The following HPCAL1 variants were observed in gnomAD, a reference collection of about 807,000 sequenced individuals.
The protein encoded by HPCAL1 is hippocalcin-like protein 1.
Under a neutral mutation model 17.1 loss-of-function variants are expected in HPCAL1, and 8 were observed. The ratio of observed to expected loss-of-function variants is 0.47; its 90% confidence interval spans 0.27 to 0.84. The LOEUF (loss-of-function observed/expected upper bound fraction) is 0.84. Among genes scored for constraint, HPCAL1 ranks in the 40% least tolerant of loss-of-function variants. The probability of loss-of-function intolerance (pLI) is 0.13; values close to 1 mark genes in which losing one functional copy is unlikely to be tolerated. For missense variants in HPCAL1, 165 were observed against 271.1 expected (o/e 0.61, Z 2.75); for synonymous variants, 112 against 111.4 (o/e 1.01, Z -0.03).
intron 1 of HPCAL1, among the ~76,000 whole-genome samples, chr2:10,376,387 G>A (rs1204016549): frequency 6.6e-6 from 1 of 151,996 alleles, no homozygotes; most frequent in Non-Finnish European, 1.5e-5. Flanking sequence ...CTAAAAGGAT[G>A]AACTTAATTG....
At chr2:10,322,933 A>C (rs767675197) in intron 1 of HPCAL1, among the ~76,000 whole-genome samples, 1 of 152,170 alleles carries the variant, frequency 6.6e-6, no homozygotes, top group Non-Finnish European at 1.5e-5. Flanking sequence ...ATTGTCCCCA[A>C]GTCCCCCAGA....
intron 4 of HPCAL1, chr2:10,425,642 C>T (rs1488413952): frequency 6.6e-6 from 1 of 152,440 alleles, no homozygotes; most frequent in South Asian, 2.1e-4. Context: ...ATCCTGAGAC[C>T]TGGAAACGTT....
intron 2 of HPCAL1, among the ~76,000 whole-genome samples, chr2:10,414,663 G>A (rs1448657014): frequency 1.3e-5 from 2 of 152,212 alleles, no homozygotes; most frequent in African/African-American, 2.4e-5. Context: ...GGGAAGCACA[G>A]TTGAGGCCAT....
intron 1 of HPCAL1, among the ~76,000 whole-genome samples, chr2:10,351,842 G>C (rs1665858031): frequency 6.6e-6 from 1 of 152,136 alleles, no homozygotes; most frequent in South Asian, 2.1e-4. Context: ...AATTGATCAT[G>C]GTGATAAGCG....
At chr2:10,341,187 G>C (rs1665052800) in intron 1 of HPCAL1, among the ~76,000 whole-genome samples, 1 of 151,970 alleles carries the variant, frequency 6.6e-6, no homozygotes, top group African/African-American at 2.4e-5. Context: ...GCAGTGCTGG[G>C]GTGCTGGGGT....
rs138749908 is a variant in HPCAL1, at chr2:10,395,448, G to A, written c.-110-1387G>A. On this transcript the variant is annotated intron_variant, in intron 1 of 4. Coordinates refer to ENST00000307845, the MANE Select transcript of HPCAL1 (RefSeq NM_002149.4). The surrounding 1 kb of genome is among the most constrained non-coding windows in gnomAD (Gnocchi z 4.4). ...ACGGACGATTTCCTGACCTTGTGGC[G>A]CTCACAGTCAGGGGGGTGGGTTGGT... is the stretch of plus-strand genomic sequence containing the variant. 3.1e-3 allele frequency among the ~76,000 whole-genome samples: 464 copies of A among 150,788 alleles called. 3 individuals are homozygous for A. The highest frequency in any genetic ancestry group is 0.011 in the African/African-American group (447 of 41,094).
At chr2:10,369,591 C>T (rs1667082412) in intron 1 of HPCAL1, among the ~76,000 whole-genome samples, 1 of 152,200 alleles carries the variant, frequency 6.6e-6, no homozygotes, top group Admixed American at 6.5e-5. Context: ...GCAAGTTCAA[C>T]AGCAGCAAGG....
chr2:10,420,137 TACCGGCGCCCGAGGCCCCGGGTCTC>T lies in HPCAL1; in HGVS notation c.378+7_378+31del. On this transcript the variant is annotated splice_donor_5th_base_variant and intron_variant, in intron 3 of 4. Transcript: ENST00000307845. ...AGCGAGATGCTGGAGATCGTGCAGG[TACCGGCGCCCGAGGCCCCGGGTCTC>T]ACCGCGGGCCCAGGTCCCCTCCCAG... 1 of 1,601,924 alleles carries T rather than the reference TACCGGCGCCCGAGGCCCCGGGTCTC, an allele frequency of 6.2e-7. No homozygotes were observed. Among genetic ancestry groups the T allele is most frequent in the Non-Finnish European group, 8.5e-7 (1 of 1,172,308 alleles).
At chr2:10,414,890 G>A (rs759714954) in intron 2 of HPCAL1, among the ~76,000 whole-genome samples, 3 of 152,184 alleles carry the variant, frequency 2.0e-5, no homozygotes, top group Admixed American at 6.5e-5. Flanking sequence ...CTGTTACAGC[G>A]GCAGACGGGA....
intron 2 of HPCAL1, among the ~76,000 whole-genome samples, chr2:10,399,241 TCACCACCACCACCAC>T (rs1558517511): frequency 1.7e-4 from 2 of 12,052 alleles, no homozygotes; most frequent in Non-Finnish European, 4.1e-4. Context: ...ACCACCACCA[TCACCACCACCACCAC>T]CACCATCACC....
intron 2 of HPCAL1, among the ~76,000 whole-genome samples, chr2:10,417,475 A>G (rs534944875): frequency 6.6e-6 from 1 of 152,286 alleles, no homozygotes; most frequent in Non-Finnish European, 1.5e-5. Flanking sequence ...CAAACACACA[A>G]GCACGTATGT....
intron 2 of HPCAL1, among the ~76,000 whole-genome samples, chr2:10,405,455 C>A (rs918034442): frequency 3.3e-5 from 5 of 152,380 alleles, no homozygotes; most frequent in South Asian, 4.1e-4. Flanking sequence ...GCAGGGCAGG[C>A]TGAGGCACTC....
At chr2:10,309,309 T>C (rs1047580886) in intron 1 of HPCAL1, among the ~76,000 whole-genome samples, 12 of 152,290 alleles carry the variant, frequency 7.9e-5, no homozygotes, top group African/African-American at 2.9e-4. Context: ...GCTGGAATTA[T>C]AAGTGTGAAC....
intron 2 of HPCAL1, among the ~76,000 whole-genome samples, chr2:10,409,946 G>A (rs970219797): frequency 2.6e-5 from 4 of 151,816 alleles, no homozygotes; most frequent in Non-Finnish European, 5.9e-5. Context: ...GCGTGCCACC[G>A]CACCCAGCTA....
At chr2:10,399,262 TCAC>T (rs1558517643) in intron 2 of HPCAL1, among the ~76,000 whole-genome samples, 22 of 14,288 alleles carry the variant, frequency 1.5e-3, no homozygotes, top group Admixed American at 2.3e-3. Context: ...ACCACCACCA[TCAC>T]CACCACCACC....
intron 2 of HPCAL1, among the ~76,000 whole-genome samples, chr2:10,412,194 C>T (rs1469480170): frequency 2.0e-5 from 3 of 152,188 alleles, no homozygotes; most frequent in Non-Finnish European, 4.4e-5. Context: ...GAAGGTCTTT[C>T]GTCTCACAGC....
intron 1 of HPCAL1, among the ~76,000 whole-genome samples, chr2:10,390,599 C>T (rs573279310): frequency 2.0e-5 from 3 of 152,254 alleles, no homozygotes; most frequent in African/African-American, 7.2e-5. Context: ...CTTGAGCACA[C>T]ATCTGCCTGC....
chr2:10,319,371 C>T (rs1181923932), intron 1 of HPCAL1, among the ~76,000 whole-genome samples: 4 of 152,186 alleles, frequency 2.6e-5, no homozygotes, highest in Non-Finnish European at 4.4e-5. Context: ...CAGCCTCCTC[C>T]GTCTTTTTGT....
chr2:10,388,076 A>G (rs1186249223), intron 1 of HPCAL1, among the ~76,000 whole-genome samples: 1 of 152,110 alleles, frequency 6.6e-6, no homozygotes, highest in African/African-American at 2.4e-5. Flanking sequence ...CTTCTGGACT[A>G]GGGTTCTAAG....
Sources: allele counts gnomAD v4.1 joint callset (sites outside exome capture counted in the v4.1 genomes callset), GRCh38; gene constraint gnomAD v4.1.1; non-coding constraint Gnocchi (gnomAD v3.1); transcripts MANE v1.5; gene names NCBI Gene and HGNC (gene_info 2026-07-23, HGNC 2026-07-21).